The following P2RY8 variants were observed in gnomAD, a reference collection of about 807,000 sequenced individuals.
P2RY8 encodes S-geranylgeranyl-glutathione receptor P2RY8.
P2RY8 carries 6 observed loss-of-function variants against 10.0 expected under a neutral mutation model. The observed-to-expected ratio is 0.60, with a 90% CI of 0.33 to 1.19. The LOEUF (loss-of-function observed/expected upper bound fraction) is 1.19. P2RY8 is among the 50% of genes most tolerant of loss of function. The pLI, the probability that P2RY8 is intolerant of heterozygous loss-of-function variation, is 0.04. For missense variants in P2RY8, 456 were observed against 542.0 expected (o/e 0.84, Z 1.58); for synonymous variants, 276 against 252.5 (o/e 1.09, Z -0.88).
intron 1 of P2RY8, among the ~76,000 whole-genome samples, chrX:1,471,308 CATTTTTTTTTT>C (rs2091782803): frequency 1.4e-5 from 1 of 71,110 alleles, no homozygotes; most frequent in Non-Finnish European, 2.7e-5. Flanking sequence ...GCGCCCAGCC[CATTTTTTTTTT>C]TTTTTTTTTT....
At chrX:1,529,502 G>A (rs1215983447) in intron 1 of P2RY8, among the ~76,000 whole-genome samples, 7 of 151,968 alleles carry the variant, frequency 4.6e-5, no homozygotes, top group Non-Finnish European at 8.8e-5. Context: ...ACAACTGGAG[G>A]GTGTACTCCT....
chrX:1,482,160 G>GGTGTGT (rs5901178), intron 1 of P2RY8, among the ~76,000 whole-genome samples: 92 of 147,074 alleles, frequency 6.3e-4, no homozygotes, highest in African/African-American at 1.8e-3. Context: ...TTGTGTGTGT[G>GGTGTGT]GTGTGTGTGT....
chrX:1,476,891 T>C (rs1421293923), intron 1 of P2RY8, among the ~76,000 whole-genome samples: 3 of 151,880 alleles, frequency 2.0e-5, no homozygotes, highest in African/African-American at 7.3e-5. Flanking sequence ...GGCATGAGCA[T>C]AAGAACTTCA....
intron 1 of P2RY8, among the ~76,000 whole-genome samples, chrX:1,504,654 C>A (rs1380668121): frequency 6.6e-6 from 1 of 151,908 alleles, no homozygotes; most frequent in African/African-American, 2.4e-5. Context: ...GAGTTTGAGA[C>A]CAGCCTGGCC....
At chrX:1,519,956 T>A (rs2092378768) in intron 1 of P2RY8, among the ~76,000 whole-genome samples, 1 of 151,902 alleles carries the variant, frequency 6.6e-6, no homozygotes, top group Non-Finnish European at 1.5e-5. Flanking sequence ...CCCAATAATC[T>A]CTCTGGTCCC....
intron 1 of P2RY8, among the ~76,000 whole-genome samples, chrX:1,532,489 A>G (rs5989812): frequency 0.4 from 3,124 of 7,870 alleles, 401 homozygotes; most frequent in Middle Eastern, 0.62. Flanking sequence ...GTATATGTGT[A>G]TATATACACA....
At position 1,491,401 on chromosome X, in the gene P2RY8, T is replaced by C. The variant is rs759489740; in HGVS notation, c.-24-24819A>G. Reference sequence around the variant, plus strand: ...ACACAGAGATTCATTCCTGCAAATGTGGAGGGAATGAAGGAATGAGTAGCA... The same window carrying C: ...ACACAGAGATTCATTCCTGCAAATGCGGAGGGAATGAAGGAATGAGTAGCA... On this transcript the variant is annotated intron_variant, in intron 1 of 1. Coordinates refer to ENST00000381297, the MANE Select transcript of P2RY8 (RefSeq NM_178129.5). Among the ~76,000 whole-genome samples the C allele has an allele frequency of 5.9e-5, 9 of 152,316 alleles. No individual in the cohort carries two copies. In the East Asian group the frequency reaches 1.2e-3, roughly 20 times the overall value.
At chrX:1,479,742 C>T (rs1385247074) in intron 1 of P2RY8, among the ~76,000 whole-genome samples, 1 of 152,082 alleles carries the variant, frequency 6.6e-6, no homozygotes, top group South Asian at 2.1e-4. Context: ...GAGTAATAAG[C>T]TTCTAGTCAG....
intron 1 of P2RY8, among the ~76,000 whole-genome samples, chrX:1,493,416 A>G (rs1156732404): frequency 2.1e-4 from 2 of 9,620 alleles, no homozygotes; most frequent in Non-Finnish European, 6.4e-4. Flanking sequence ...AGGAGGAGGA[A>G]GGAGGAAGGA....
chrX:1,482,844 C>A (rs1367457158), intron 1 of P2RY8, among the ~76,000 whole-genome samples: 4 of 147,764 alleles, frequency 2.7e-5, no homozygotes, highest in Admixed American at 1.4e-4. Context: ...ATCGCAAGGA[C>A]AAAAAACCAA....
intron 1 of P2RY8, among the ~76,000 whole-genome samples, chrX:1,527,185 G>A (rs1469471852): frequency 3.3e-5 from 5 of 152,062 alleles, no homozygotes; most frequent in African/African-American, 7.2e-5. Flanking sequence ...GTGAGCCACC[G>A]CGCCCAGCCT....
At chrX:1,520,928 G>C (rs2092385610) in intron 1 of P2RY8, among the ~76,000 whole-genome samples, 1 of 149,458 alleles carries the variant, frequency 6.7e-6, no homozygotes, top group Admixed American at 6.7e-5. Flanking sequence ...CATCTCCTTG[G>C]TACCTAATTA....
rs760017709 is a variant in P2RY8 at position 1,523,424 on chromosome X, G to T, written c.-25+13497C>A. On this transcript the variant is annotated intron_variant, in intron 1 of 1. Transcript: ENST00000381297. ...ATATTCTCTGAGTTTCACAATTCTT[G>T]CATTTAGCATAGAATTTTTGAGGTT... 2.0e-3 allele frequency among the ~76,000 whole-genome samples: 307 copies of T among 152,172 alleles called. 2 individuals are homozygous for T. Among genetic ancestry groups the T allele is most frequent in the African/African-American group, 6.9e-3 (285 of 41,508 alleles).
Position 1,464,100 on chromosome X carries a change from G to T in P2RY8, c.*1379C>A. ...CATCAGCGTCCCCAGTGCACAGAAA[G>T]GGAGGGGCCGGGCATCCAAGGCCAC... On this transcript the variant is annotated 3_prime_UTR_variant, in exon 2 of 2. Coordinates refer to ENST00000381297, the MANE Select transcript of P2RY8 (RefSeq NM_178129.5). 1 of 233,368 alleles carries T rather than the reference G, an allele frequency of 4.3e-6. No homozygotes were observed. Among genetic ancestry groups the T allele is most frequent in the Non-Finnish European group, 8.5e-6 (1 of 118,106 alleles). 14.5% of individuals were successfully genotyped at this position (233,368 alleles called of 1,614,324 possible).
At chrX:1,490,799 T>C (rs2092038814) in intron 1 of P2RY8, among the ~76,000 whole-genome samples, 1 of 148,936 alleles carries the variant, frequency 6.7e-6, no homozygotes, top group East Asian at 2.0e-4. Context: ...AATGAATGAA[T>C]GATACCCAGA....
At chrX:1,521,662 G>C (rs140405368) in intron 1 of P2RY8, among the ~76,000 whole-genome samples, 163 of 152,258 alleles carry the variant, frequency 1.1e-3, no homozygotes, top group African/African-American at 3.8e-3. Context: ...ATTTGCATGA[G>C]TGCTTAGAAA....
intron 1 of P2RY8, among the ~76,000 whole-genome samples, chrX:1,499,111 G>A (rs2092149146): frequency 6.6e-6 from 1 of 150,866 alleles, no homozygotes; most frequent in Non-Finnish European, 1.5e-5. Flanking sequence ...GGGATTACAG[G>A]CATGAGCCCC....
intron 1 of P2RY8, among the ~76,000 whole-genome samples, chrX:1,488,507 C>G (rs1389846138): frequency 6.6e-6 from 1 of 152,162 alleles, no homozygotes; most frequent in South Asian, 2.1e-4. Context: ...CCTGTCTGCA[C>G]CCAGCACAGT....
At chrX:1,497,464 C>T (rs1470902310) in intron 1 of P2RY8, among the ~76,000 whole-genome samples, 44 of 151,194 alleles carry the variant, frequency 2.9e-4, no homozygotes, top group African/African-American at 1.0e-3. Flanking sequence ...TTGAGACCAG[C>T]CTGGCCAAGA....
Sources: gnomAD v4.1 joint callset for allele counts (sites outside exome capture counted in the v4.1 genomes callset) on GRCh38, gnomAD v4.1.1 for gene constraint, MANE v1.5 for transcripts, NCBI Gene and HGNC (gene_info 2026-07-23, HGNC 2026-07-21) for gene names.